ME3: variants seen among roughly 807,000 people sequenced by gnomAD.
The protein encoded by ME3 is malic enzyme 3.
In ME3, 48 loss-of-function variants were observed where a neutral mutation model predicts 68.9. The observed-to-expected ratio is 0.70, with a 90% CI of 0.55 to 0.89. The LOEUF (loss-of-function observed/expected upper bound fraction) is 0.89, where lower values mean the gene tolerates loss of function less well. Ranked by LOEUF, ME3 falls within the 40% of genes least tolerant of loss-of-function variation. ME3 has a pLI of 0.00. For missense variants in ME3, 675 were observed against 797.4 expected, an observed-to-expected ratio of 0.85 and a Z score of 1.85; for synonymous variants, 320 against 318.8, an observed-to-expected ratio of 1.00 and a Z score of -0.04.
At chr11:86,530,435 A>T (rs1166924456) in intron 4 of ME3, among the ~76,000 whole-genome samples, 1 of 152,246 alleles carries the variant, frequency 6.6e-6, no homozygotes, top group African/African-American at 2.4e-5. Context: ...AAGGTAATTT[A>T]TACATTCAAT....
At chr11:86,474,782 C>T (rs1273283594) in intron 7 of ME3, among the ~76,000 whole-genome samples, 2 of 152,176 alleles carry the variant, frequency 1.3e-5, no homozygotes, top group South Asian at 2.1e-4. Context: ...TCACCTTATG[C>T]CCTTTATCAA....
chr11:86,603,153 G>C (rs532720612), intron 2 of ME3, among the ~76,000 whole-genome samples: 62 of 152,272 alleles, frequency 4.1e-4, no homozygotes, highest in South Asian at 3.7e-3. Context: ...CCATCAGAGT[G>C]AACAGGCAGC....
At chr11:86,588,868 G>A (rs1329492151) in intron 2 of ME3, among the ~76,000 whole-genome samples, 2 of 152,158 alleles carry the variant, frequency 1.3e-5, no homozygotes, top group African/African-American at 4.8e-5. Flanking sequence ...CAGAGCCTGA[G>A]ACAAAAGAGT....
At chr11:86,582,112 C>T (rs1958471525) in intron 2 of ME3, among the ~76,000 whole-genome samples, 1 of 152,238 alleles carries the variant, frequency 6.6e-6, no homozygotes, top group African/African-American at 2.4e-5. Flanking sequence ...TCTTCATAAG[C>T]TGTGCATCAT....
chr11:86,446,602 G>T, intron 12 of ME3, 115 bp from the exon 13 acceptor site: 1 of 1,000,964 alleles, frequency 1.0e-6, no homozygotes, highest in Non-Finnish European at 1.5e-6. Context: ...CAAACGCCCA[G>T]CACTGTGCTG....
chr11:86,447,875 AGAC>A (rs1377612331), intron 11 of ME3, among the ~76,000 whole-genome samples: 27 of 140,522 alleles, frequency 1.9e-4, no homozygotes, highest in Admixed American at 4.3e-4. Context: ...AAAAAAAAAA[AGAC>A]AGAGAGAAAG....
chr11:86,557,806 G>A (rs1264345183), intron 3 of ME3, among the ~76,000 whole-genome samples: 2 of 152,092 alleles, frequency 1.3e-5, no homozygotes, highest in African/African-American at 4.8e-5. Context: ...TCTACATTCA[G>A]TTATGTCAAA....
intron 2 of ME3, among the ~76,000 whole-genome samples, chr11:86,594,699 CA>C (rs1179621206): frequency 6.9e-6 from 1 of 144,910 alleles, no homozygotes; most frequent in Admixed American, 7.4e-5. Context: ...CAAAAAAACA[CA>C]AAAAAACAAA....
At chr11:86,441,258 A>G (rs1032261633) in exon 15 of ME3, 3 of 1,559,218 alleles carry the variant, frequency 1.9e-6, no homozygotes, top group African/African-American at 2.7e-5. Flanking sequence ...ATCTAGCCCC[A>G]TACTAGCCTC....
intron 7 of ME3, among the ~76,000 whole-genome samples, chr11:86,475,876 G>T (rs658509): frequency 0.019 from 1,960 of 101,584 alleles, 21 homozygotes; most frequent in African/African-American, 0.037. Context: ...TATATATATA[G>T]AGAGAGAGAG....
chr11:86,474,543 A>G (rs1430445537), intron 7 of ME3, among the ~76,000 whole-genome samples: 1 of 152,142 alleles, frequency 6.6e-6, no homozygotes, highest in Non-Finnish European at 1.5e-5. Context: ...CTGCTTATAA[A>G]GCTTTCTTGG....
intron 2 of ME3, among the ~76,000 whole-genome samples, chr11:86,630,039 C>T (rs1431175888): frequency 5.9e-5 from 9 of 152,076 alleles, no homozygotes; most frequent in Admixed American, 5.2e-4. Context: ...AGAGGTTCTG[C>T]AGTGATTTAC....
chr11:86,611,515 A>G lies in ME3; in HGVS notation c.184-51692T>C, dbSNP rs540938506. ...GCGTGATTGTGGTCATCATCTCACA[A>G]TGTATGTATATATATTATATATATC... On this transcript the variant is annotated intron_variant, in intron 2 of 14. Transcript: ENST00000543262. Among the ~76,000 whole-genome samples, 6 of 151,438 alleles carry G rather than the reference A, an allele frequency of 4.0e-5. No individual in the cohort carries two copies. The East Asian group carries it at 9.7e-4, about 25-fold the overall frequency.
chr11:86,636,528 C>T (rs1944345443), intron 2 of ME3, among the ~76,000 whole-genome samples: 1 of 152,176 alleles, frequency 6.6e-6, no homozygotes, highest in African/African-American at 2.4e-5. Flanking sequence ...TCCCTATGCC[C>T]AGACACACAT....
chr11:86,442,863 T>C, exon 14 of ME3: 2 of 1,613,486 alleles, frequency 1.2e-6, no homozygotes, highest in African/African-American at 2.7e-5. Context: ...TGGTGCTGAG[T>C]GGTGGGTAGA....
chr11:86,651,708 A>G (rs1945444610), intron 2 of ME3, among the ~76,000 whole-genome samples: 2 of 152,258 alleles, frequency 1.3e-5, no homozygotes, highest in African/African-American at 4.8e-5. Flanking sequence ...TCAAAGGAAC[A>G]CAGCTCCTCT....
At chr11:86,608,016 T>G (rs1301394419) in intron 2 of ME3, among the ~76,000 whole-genome samples, 1 of 152,088 alleles carries the variant, frequency 6.6e-6, no homozygotes, top group African/African-American at 2.4e-5. Context: ...GGCTACTGTT[T>G]GGGGAGAAAG....
intron 4 of ME3, among the ~76,000 whole-genome samples, chr11:86,541,275 A>C (rs589368): frequency 6.6e-6 from 1 of 151,768 alleles, no homozygotes; most frequent in African/African-American, 2.4e-5. Flanking sequence ...TGGTGCCTGG[A>C]GTATGAAACA....
chr11:86,572,887 A>G (rs1484206440), intron 2 of ME3, among the ~76,000 whole-genome samples: 1 of 152,088 alleles, frequency 6.6e-6, no homozygotes. Flanking sequence ...CTAATTTGCA[A>G]TCCCACCAAC....
Sources: allele counts gnomAD v4.1 joint callset (sites outside exome capture counted in the v4.1 genomes callset), GRCh38; gene constraint gnomAD v4.1.1; transcripts MANE v1.5; gene names NCBI Gene and HGNC (gene_info 2026-07-23, HGNC 2026-07-21).